The following FAM107B variants were observed in gnomAD, a reference collection of about 807,000 sequenced individuals.
FAM107B encodes protein FAM107B.
FAM107B carries 21 observed loss-of-function variants against 31.5 expected under a neutral mutation model. That is an observed-to-expected ratio of 0.67 (90% confidence interval 0.47 to 0.96). The LOEUF is 0.96. Ranked by LOEUF, FAM107B falls within the 40% of genes least tolerant of loss-of-function variation. The pLI is 0.00. For synonymous variants in FAM107B, 157 were observed against 141.5 expected (o/e 1.11, Z -0.78); for missense variants, 452 against 377.1 (o/e 1.20, Z -1.64).
intron 2 of FAM107B, among the ~76,000 whole-genome samples, chr10:14,609,340 A>C (rs146953900): frequency 8.9e-4 from 136 of 152,302 alleles, no homozygotes; most frequent in Middle Eastern, 3.4e-3. Flanking sequence ...GGCAGGGCTC[A>C]TAGTTCATCT....
At chr10:14,756,764 A>C (rs1440773886) in intron 1 of FAM107B, among the ~76,000 whole-genome samples, 1 of 152,196 alleles carries the variant, frequency 6.6e-6, no homozygotes, top group East Asian at 1.9e-4. Context: ...ATCAACCTAA[A>C]TGCCCATCAA....
chr10:14,636,326 TGAGA>T (rs150271632), intron 2 of FAM107B, among the ~76,000 whole-genome samples: 2 of 141,166 alleles, frequency 1.4e-5, no homozygotes, highest in Non-Finnish European at 3.1e-5. Flanking sequence ...AGAGAGCAAG[TGAGA>T]GAGAGAGAGA....
At chr10:14,727,731 C>T (rs761260242) in intron 1 of FAM107B, among the ~76,000 whole-genome samples, 1 of 152,224 alleles carries the variant, frequency 6.6e-6, no homozygotes, top group Non-Finnish European at 1.5e-5. Context: ...TCCCCACTCT[C>T]CCACCAGGGC....
intron 1 of FAM107B, among the ~76,000 whole-genome samples, chr10:14,747,127 G>A (rs191489059): frequency 3.9e-5 from 6 of 152,254 alleles, no homozygotes; most frequent in East Asian, 1.9e-4. Context: ...CTTGTGTTGC[G>A]TTTCTCAGCT....
chr10:14,730,094 G>T lies in FAM107B; in HGVS notation c.411+44159C>A, dbSNP rs193133058. Among the ~76,000 whole-genome samples the T allele has an allele frequency of 1.3e-3, 195 of 152,264 alleles. 1 individual carries two copies. Among genetic ancestry groups the T allele is most frequent in the Middle Eastern group, 0.01 (3 of 294 alleles). On this transcript the variant is annotated intron_variant, in intron 1 of 4. Transcript: ENST00000181796. ...AGGACAAATACCTAATGTATGCAGG[G>T]CTTGAAACCTAGATGATGGGTTGAT... is the stretch of plus-strand genomic sequence containing the variant.
intron 2 of FAM107B, among the ~76,000 whole-genome samples, chr10:14,597,588 C>T (rs1381769068): frequency 1.3e-5 from 2 of 152,116 alleles, no homozygotes; most frequent in Non-Finnish European, 2.9e-5. Context: ...GGACAAGGGA[C>T]AAAGCTCCCA....
intron 2 of FAM107B, among the ~76,000 whole-genome samples, chr10:14,620,779 G>T (rs974092548): frequency 4.6e-5 from 7 of 152,008 alleles, no homozygotes; most frequent in Admixed American, 1.3e-4. Context: ...AGAACATGCC[G>T]CATTTAACTG....
intron 2 of FAM107B, among the ~76,000 whole-genome samples, chr10:14,617,897 C>T (rs865947200): frequency 1.3e-5 from 2 of 152,094 alleles, no homozygotes; most frequent in Non-Finnish European, 2.9e-5. Context: ...GTGGGGTTTA[C>T]AGGCGTGAAG....
At chr10:14,641,742 TC>T (rs1448490096) in intron 2 of FAM107B, among the ~76,000 whole-genome samples, 1 of 152,160 alleles carries the variant, frequency 6.6e-6, no homozygotes, top group Non-Finnish European at 1.5e-5. Flanking sequence ...CCAAATACCA[TC>T]ACATTGAGGA....
In FAM107B at chr10:14,774,757, A is replaced by G; in HGVS notation, c.-94T>C. On this transcript the variant is annotated 5_prime_UTR_variant, in exon 1 of 5. Coordinates refer to ENST00000181796, the MANE Select transcript of FAM107B (RefSeq NM_031453.4). ...ACTTTGCTTATAGGAACTCTTTCCA[A>G]TTGCCCGAAGAGAAGAACTTGCTAG... 2 of 1,374,062 alleles carry G rather than the reference A, an allele frequency of 1.5e-6. No individual in the cohort carries two copies. Among genetic ancestry groups the G allele is most frequent in the Non-Finnish European group, 2.0e-6 (2 of 1,008,120 alleles). The allele number at this position is 1,374,062 out of a possible 1,614,324, so 85.1% of individuals were successfully genotyped here.
Position 14,667,624 on chromosome 10 carries a change from T to G in FAM107B, c.469+10A>C, listed in dbSNP as rs763421208. ...AGCCTGGAAAAGGAATCACACAGAA[T>G]GTACTCTACCTGATGTCATTTTCTG... is the stretch of plus-strand genomic sequence containing the variant. On this transcript the variant is annotated intron_variant, in intron 2 of 4. Coordinates refer to ENST00000181796, the MANE Select transcript of FAM107B (RefSeq NM_031453.4). The G allele has an allele frequency of 1.1e-5, 17 of 1,613,850 alleles. No individual in the cohort carries two copies. The South Asian group carries it at 1.6e-4, about 16-fold the overall frequency.
chr10:14,709,998 T>C (rs905122789), intron 1 of FAM107B, among the ~76,000 whole-genome samples: 10 of 152,158 alleles, frequency 6.6e-5, no homozygotes, highest in African/African-American at 2.4e-4. Flanking sequence ...ACTATAATGG[T>C]AGATACATAT....
At chr10:14,619,708 T>TAAAAAAAA (rs3995551) in intron 2 of FAM107B, among the ~76,000 whole-genome samples, 29 of 104,602 alleles carry the variant, frequency 2.8e-4, no homozygotes, top group Admixed American at 2.7e-3. Context: ...GTGTCCTAGC[T>TAAAAAAAA]AAAAAAAAAA....
intron 2 of FAM107B, among the ~76,000 whole-genome samples, chr10:14,626,868 G>A (rs1853179649): frequency 6.6e-6 from 1 of 152,128 alleles, no homozygotes; most frequent in African/African-American, 2.4e-5. Flanking sequence ...GGAGCACATT[G>A]TCGATGGCCT....
At chr10:14,604,614 G>C (rs1051687437) in intron 2 of FAM107B, among the ~76,000 whole-genome samples, 1 of 151,908 alleles carries the variant, frequency 6.6e-6, no homozygotes, top group Non-Finnish European at 1.5e-5. Flanking sequence ...GGACTCGGTG[G>C]GAGCGAGGGC....
chr10:14,668,735 T>C (rs1854469174), intron 1 of FAM107B, among the ~76,000 whole-genome samples: 1 of 152,202 alleles, frequency 6.6e-6, no homozygotes, highest in African/African-American at 2.4e-5. Context: ...ATCTTAACCT[T>C]TAGGCAGGAT....
At chr10:14,718,402 G>A (rs893442868) in intron 1 of FAM107B, among the ~76,000 whole-genome samples, 3 of 141,852 alleles carry the variant, frequency 2.1e-5, no homozygotes, top group Non-Finnish European at 4.6e-5. Context: ...AGGAAAGGAA[G>A]AAAGAAAGAG....
rs903014281 is a variant in FAM107B, at chr10:14,592,218, G to A, written c.470-61703C>T. ...CACAGAAACTAGGCTATGAATGGCT[G>A]GGCCACACCCAGCTCAGGACCAAGA... On this transcript the variant is annotated intron_variant, in intron 2 of 4. Coordinates refer to ENST00000181796, the MANE Select transcript of FAM107B (RefSeq NM_031453.4). Among the ~76,000 whole-genome samples the A allele has an allele frequency of 6.6e-5, 10 of 152,266 alleles. No homozygotes were observed. In the South Asian group the frequency reaches 2.1e-3, roughly 32 times the overall value.
chr10:14,770,975 T>TAAAA (rs56378196), intron 1 of FAM107B, among the ~76,000 whole-genome samples: 16 of 58,954 alleles, frequency 2.7e-4, no homozygotes, highest in East Asian at 5.1e-4. Flanking sequence ...GAGGCTGAAC[T>TAAAA]AAAAAAAAAA....
Sources: gnomAD v4.1 joint callset for allele counts (sites outside exome capture counted in the v4.1 genomes callset) on GRCh38, gnomAD v4.1.1 for gene constraint, MANE v1.5 for transcripts, NCBI Gene and HGNC (gene_info 2026-07-23, HGNC 2026-07-21) for gene names.